DOCK6: variants seen among roughly 807,000 people sequenced by gnomAD.
DOCK6 encodes dedicator of cytokinesis protein 6.
A neutral mutation model predicts 230.3 loss-of-function variants in DOCK6; 167 were observed. The ratio of observed to expected loss-of-function variants is 0.73; its 90% CI spans 0.64 to 0.82. DOCK6 has a LOEUF of 0.82. Among genes scored for constraint, DOCK6 ranks in the 40% least tolerant of loss-of-function variants. The probability of loss-of-function intolerance (pLI) is 0.00; values close to 1 mark genes in which losing one functional copy is unlikely to be tolerated. For missense variants in DOCK6, 2,598 were observed against 2,825.8 expected, an observed-to-expected ratio of 0.92 and a Z score of 1.83; for synonymous variants, 1,148 against 1,185.0, an observed-to-expected ratio of 0.97 and a Z score of 0.64.
rs758435897 is a variant in DOCK6, at chr19:11,200,457, C to T, written c.5952G>A (p.Ala1984=). Residue 1984 remains alanine, a synonymous_variant, in exon 47 of 48, where the codon GCG becomes GCA. Coordinates refer to ENST00000294618, the MANE Select transcript of DOCK6 (RefSeq NM_020812.4). The surrounding 1 kb of genome is among the most constrained non-coding windows in gnomAD (Gnocchi z 4.3). ...CAATCAGGGCCTTATTTTTCCGCAG[C>T]GCATCCTCACATCTGAGGGCCAGAG... ...FKDFCKKCED[A]LRKNKALIGP... 5.0e-6 allele frequency: 8 copies of T among 1,610,636 alleles called. No homozygotes were observed. The highest frequency in any genetic ancestry group is 2.7e-5 in the African/African-American group (2 of 74,942).
chr19:11,215,089 C>T (rs113026444), intron 32 of DOCK6, among the ~76,000 whole-genome samples: 4,170 of 152,074 alleles, frequency 0.027, 181 homozygotes, highest in African/African-American at 0.097. Context: ...ACTACAGGCA[C>T]CTGCCACCAC....
rs943691236 is a variant in DOCK6 at position 11,206,962 on chromosome 19, G to T, written c.5088+1724C>A. Among the ~76,000 whole-genome samples, 3 of 151,964 alleles carry T rather than the reference G, an allele frequency of 2.0e-5. No individual in the cohort carries two copies. In the South Asian group the frequency reaches 6.2e-4, roughly 32 times the overall value. On this transcript the variant is annotated intron_variant, in intron 39 of 47. Transcript: ENST00000294618. Reference sequence around the variant, plus strand: ...CGGGTTCAAGCGAGTCTCATCCCGAGTAGCTGGGATTACAGACACCTGCCA... The same window carrying T: ...CGGGTTCAAGCGAGTCTCATCCCGATTAGCTGGGATTACAGACACCTGCCA...
Position 11,237,307 on chromosome 19 carries a change from A to G in DOCK6, c.2073+149T>C, listed in dbSNP as rs528847918. 1.8e-4 allele frequency: 139 copies of G among 764,754 alleles called. No individual in the cohort carries two copies. In the African/African-American group the frequency reaches 2.1e-3, roughly 12 times the overall value. The allele number at this position is 764,754 out of a possible 1,614,324, so 47.4% of individuals were successfully genotyped here. A position where few individuals can be genotyped will look rare whatever the true frequency, so the allele number is the denominator to read the frequency against. The stretch of plus-strand genomic sequence containing the variant: ...GAGGACATGTAGGACACAGAGAGGC[A>G]TTAATAGGGGAATAATGAGCTACAC... On this transcript the variant is annotated intron_variant, in intron 18 of 47. Transcript: ENST00000294618.
intron 39 of DOCK6, among the ~76,000 whole-genome samples, chr19:11,205,310 C>A (rs1288481950): frequency 6.6e-6 from 1 of 152,116 alleles, no homozygotes; most frequent in Admixed American, 6.6e-5. Flanking sequence ...CACCCATCAA[C>A]CTGTCACCTA....
At chr19:11,215,546 G>A in intron 31 of DOCK6, 75 bp from the exon 32 acceptor site, 1 of 1,454,424 alleles carries the variant, frequency 6.9e-7, no homozygotes, top group Admixed American at 1.9e-5. Context: ...AAATGCACAG[G>A]CATGAAGATA....
At position 11,241,543 on chromosome 19, in the gene DOCK6, G is replaced by A. The variant is rs541334378; in HGVS notation, c.1643+502C>T. ...TGGCACAGCAGCATCGGCTGCGACA[G>A]ATCCAGGAGAGGTGAGCCTGGCAGG... On this transcript the variant is annotated intron_variant, in intron 14 of 47. Transcript: ENST00000294618. 8.4e-6 allele frequency: 13 copies of A among 1,553,346 alleles called. No individual in the cohort carries two copies. In the Admixed American group the frequency reaches 2.5e-4, roughly 30 times the overall value.
chr19:11,228,023 T>A (rs2079697386), intron 23 of DOCK6, among the ~76,000 whole-genome samples: 1 of 151,008 alleles, frequency 6.6e-6, no homozygotes, highest in South Asian at 2.1e-4. Flanking sequence ...TTTTTTTTTT[T>A]TTTTTTTGAG....
chr19:11,220,620 TGTG>T (rs1194944751), intron 28 of DOCK6, among the ~76,000 whole-genome samples: 6 of 151,770 alleles, frequency 4.0e-5, no homozygotes, highest in East Asian at 1.9e-4. Flanking sequence ...GGCAGGAAAA[TGTG>T]GTGGATAAGA....
At chr19:11,238,906 T>G (rs1211359459) in intron 14 of DOCK6, 1 of 155,290 alleles carries the variant, frequency 6.4e-6, no homozygotes, top group Admixed American at 6.3e-5. Flanking sequence ...ATAACAACAA[T>G]GACAATAATT....
rs921419993 is a variant in DOCK6 at position 11,248,287 on chromosome 19, C to T, written c.721-136G>A. On this transcript the variant is annotated intron_variant, in intron 6 of 47. Coordinates refer to ENST00000294618, the MANE Select transcript of DOCK6 (RefSeq NM_020812.4). The stretch of plus-strand genomic sequence containing the variant: ...TTCCATCCCTGCCTCTGAGCCTTTA[C>T]ACGTGCTGTTCCCCTGCCTGGAATG... 4.6e-5 allele frequency: 30 copies of T among 645,604 alleles called. No homozygotes were observed. In the Admixed American group the frequency reaches 8.6e-4, roughly 18 times the overall value. The allele number at this position is 645,604 out of a possible 1,614,324, so 40.0% of individuals were successfully genotyped here. A position where few individuals can be genotyped will look rare whatever the true frequency, so the allele number is the denominator to read the frequency against.
Position 11,213,247 on chromosome 19 carries a change from T to C in DOCK6, c.4420A>G (p.Ile1474Val), listed in dbSNP as rs374233875. 3.1e-6 allele frequency: 5 copies of C among 1,612,372 alleles called. No homozygotes were observed. In the African/African-American group the frequency reaches 4.0e-5, roughly 13 times the overall value. ...CTGGCGTGCGTGCGGATGGTGCTGA[T>C]GCGGCTGCCACAGTGTCGTAGGAGC... ...LRLLRHCGSRISTIRTHASAS... is the reference protein window; with the variant it reads ...LRLLRHCGSRVSTIRTHASAS... The change falls in exon 35 of 48, where the codon ATC becomes GTC. Residue 1474 changes from isoleucine to valine, a missense_variant. Ile to Val is a conservative substitution (Grantham distance 29, BLOSUM62 3). Transcript: ENST00000294618.
At chr19:11,212,561 CTTTCT>C (rs1600866087) in intron 35 of DOCK6, among the ~76,000 whole-genome samples, 3 of 100,036 alleles carry the variant, frequency 3.0e-5, no homozygotes, top group South Asian at 3.3e-4. Context: ...TTCTTTCTTT[CTTTCT>C]TTTTTTTTTT....
chr19:11,208,451 T>C (rs1600854779), intron 39 of DOCK6: 1 of 418,766 alleles, frequency 2.4e-6, no homozygotes, highest in East Asian at 4.0e-5. Context: ...CGGCTAATTT[T>C]TGTATTTTTA....
chr19:11,211,520 C>G (rs1324737040), intron 37 of DOCK6, among the ~76,000 whole-genome samples: 1 of 151,038 alleles, frequency 6.6e-6, no homozygotes, highest in Non-Finnish European at 1.5e-5. Flanking sequence ...CTGTCCCCCT[C>G]ACCTGTCTGC....
intron 31 of DOCK6, 77 bp from the exon 32 acceptor site, chr19:11,215,548 A>T (rs772532009): frequency 2.6e-5 from 37 of 1,450,842 alleles, no homozygotes; most frequent in African/African-American, 5.5e-5. Context: ...ATGCACAGGC[A>T]TGAAGATATT....
chr19:11,246,561 G>T (rs948446636), intron 7 of DOCK6, among the ~76,000 whole-genome samples: 1 of 152,030 alleles, frequency 6.6e-6, no homozygotes, highest in Non-Finnish European at 1.5e-5. Context: ...ACCGCGCCCC[G>T]CCGACACTGA....
chr19:11,254,682 GA>G (rs974460402), intron 1 of DOCK6, among the ~76,000 whole-genome samples: 299 of 135,002 alleles, frequency 2.2e-3, no homozygotes, highest in African/African-American at 2.9e-3. Context: ...ACTTTGTCTC[GA>G]AAAAAAAAAA....
At position 11,245,874 on chromosome 19, in the gene DOCK6, C is replaced by T. The variant is rs1216792312; in HGVS notation, c.811G>A (p.Glu271Lys). ...CCAAAGATGGGCTCAATTTCAATCTCGAACCTACAAGTAAATGGGAGGGAG... is the reference window on the plus strand; with the variant it reads ...CCAAAGATGGGCTCAATTTCAATCTTGAACCTACAAGTAAATGGGAGGGAG... ...ILVKCLSLKF[E>K]IEIEPIFGIL... The change falls in exon 8 of 48, where the codon GAG becomes AAG. Residue 271 changes from glutamate to lysine, a missense_variant. Coordinates refer to ENST00000294618, the MANE Select transcript of DOCK6 (RefSeq NM_020812.4). The T allele has an allele frequency of 3.8e-6, 6 of 1,562,106 alleles. No individual in the cohort carries two copies. The highest frequency in any genetic ancestry group is 2.4e-5 in the South Asian group (2 of 84,746).
chr19:11,202,271 T>C lies in DOCK6; in HGVS notation c.5451+123A>G. Reference sequence around the variant, plus strand: ...TGGGAATCCCCTGAGGAATAGGTTTTGGGGTCCCTCAGTGAAATATGATTT... The same window carrying C: ...TGGGAATCCCCTGAGGAATAGGTTTCGGGGTCCCTCAGTGAAATATGATTT... On this transcript the variant is annotated intron_variant, in intron 43 of 47. Coordinates refer to ENST00000294618, the MANE Select transcript of DOCK6 (RefSeq NM_020812.4). This position sits in a 1 kb window ranked among gnomAD's most constrained non-coding sequence, Gnocchi z 5.3. 7.1e-7 allele frequency: 1 copy of C among 1,399,312 alleles called. No homozygotes were observed. The highest frequency in any genetic ancestry group is 9.8e-7 in the Non-Finnish European group (1 of 1,016,010). 86.7% of individuals were successfully genotyped at this position (1,399,312 alleles called of 1,614,324 possible).
Sources: allele counts gnomAD v4.1 joint callset (sites outside exome capture counted in the v4.1 genomes callset), GRCh38; gene constraint gnomAD v4.1.1; non-coding constraint Gnocchi (gnomAD v3.1); transcripts MANE v1.5; gene names NCBI Gene and HGNC (gene_info 2026-07-23, HGNC 2026-07-21).